Variants in DPP10 observed in about 807,000 individuals in gnomAD.
The protein encoded by DPP10 is dipeptidyl peptidase like 10.
In DPP10, 33 loss-of-function variants were observed where a neutral mutation model predicts 120.9. The ratio of observed to expected loss-of-function variants is 0.27; its 90% CI spans 0.21 to 0.37. The LOEUF (loss-of-function observed/expected upper bound fraction) is 0.37, where lower values mean the gene tolerates loss of function less well. Ranked by LOEUF, DPP10 falls within the 10% of genes least tolerant of loss-of-function variation. The pLI is 1.00. For missense variants in DPP10, 816 were observed against 942.8 expected (o/e 0.87, Z 1.76); for synonymous variants, 337 against 326.1 (o/e 1.03, Z -0.36).
At chr2:115,005,363 C>T (rs373443696) in intron 1 of DPP10, among the ~76,000 whole-genome samples, 43 of 152,140 alleles carry the variant, frequency 2.8e-4, no homozygotes, top group East Asian at 7.7e-4. Context: ...CAAAGCTGGA[C>T]GGAGAATGAC....
intron 1 of DPP10, among the ~76,000 whole-genome samples, chr2:114,462,704 C>T (rs1210123312): frequency 6.6e-6 from 1 of 152,168 alleles, no homozygotes; most frequent in Admixed American, 6.5e-5. Context: ...AACGCTCTTC[C>T]CCCTGCTTCG....
chr2:115,394,478 A>G (rs546497515), intron 3 of DPP10, among the ~76,000 whole-genome samples: 6 of 151,830 alleles, frequency 4.0e-5, no homozygotes, highest in Admixed American at 2.0e-4. Context: ...CCAAAAAAAA[A>G]AAAAAGAAAA....
intron 4 of DPP10, among the ~76,000 whole-genome samples, chr2:115,523,345 G>A (rs997887730): frequency 2.7e-5 from 4 of 146,082 alleles, no homozygotes; most frequent in African/African-American, 1.0e-4. Context: ...ATGAGGATGA[G>A]GGAGGTGAGA....
At chr2:115,261,774 A>G (rs2059260562) in intron 1 of DPP10, among the ~76,000 whole-genome samples, 2 of 152,172 alleles carry the variant, frequency 1.3e-5, no homozygotes, top group South Asian at 4.1e-4. Flanking sequence ...TATCTTATTT[A>G]TCTCCATATT....
chr2:114,796,519 T>A (rs931875546), intron 1 of DPP10, among the ~76,000 whole-genome samples: 4 of 152,108 alleles, frequency 2.6e-5, no homozygotes, highest in African/African-American at 7.2e-5. Context: ...CTGTTGATGT[T>A]ACTGGTAAGG....
intron 1 of DPP10, among the ~76,000 whole-genome samples, chr2:114,548,378 T>C (rs1041119975): frequency 6.6e-6 from 1 of 152,058 alleles, no homozygotes; most frequent in Non-Finnish European, 1.5e-5. Context: ...AACACAGAGA[T>C]GGGGGTGTTG....
At chr2:114,684,263 C>T (rs1055397932) in intron 1 of DPP10, among the ~76,000 whole-genome samples, 2 of 151,926 alleles carry the variant, frequency 1.3e-5, no homozygotes, top group Non-Finnish European at 2.9e-5. Flanking sequence ...GGAACTTGCT[C>T]TTTTACCTCC....
chr2:115,782,493 T>G, intron 17 of DPP10, 94 bp downstream of exon 17: 2 of 1,244,502 alleles, frequency 1.6e-6, no homozygotes, highest in Non-Finnish European at 2.3e-6. Context: ...CTATAAATTC[T>G]TCTTCAAAAA....
intron 3 of DPP10, among the ~76,000 whole-genome samples, chr2:115,462,182 A>G (rs1574918166): frequency 6.6e-6 from 1 of 152,118 alleles, no homozygotes; most frequent in African/African-American, 2.4e-5. Context: ...CCAGTCACAC[A>G]AGACAGAGGT....
intron 1 of DPP10, among the ~76,000 whole-genome samples, chr2:114,801,851 C>A (rs1359114249): frequency 6.6e-6 from 1 of 152,106 alleles, no homozygotes; most frequent in African/African-American, 2.4e-5. Flanking sequence ...GATTCATGTA[C>A]ATGAAACTGC....
At chr2:114,796,971 T>C (rs2106262332) in intron 1 of DPP10, among the ~76,000 whole-genome samples, 1 of 152,176 alleles carries the variant, frequency 6.6e-6, no homozygotes, top group East Asian at 1.9e-4. Context: ...CTTAGGTGGT[T>C]TGATCATAGA....
intron 1 of DPP10, among the ~76,000 whole-genome samples, chr2:114,460,095 G>T (rs147160374): frequency 6.6e-5 from 10 of 152,162 alleles, no homozygotes; most frequent in African/African-American, 1.9e-4. Context: ...ATGATAATGG[G>T]GCTGGATATG....
chr2:114,564,658 T>A (rs1359916439), intron 1 of DPP10, among the ~76,000 whole-genome samples: 1 of 150,884 alleles, frequency 6.6e-6, no homozygotes, highest in Non-Finnish European at 1.5e-5. Context: ...ATAGTAGACA[T>A]AAGGGAAAGG....
intron 1 of DPP10, among the ~76,000 whole-genome samples, chr2:114,589,826 T>C (rs1410407099): frequency 6.6e-6 from 1 of 152,058 alleles, no homozygotes; most frequent in East Asian, 1.9e-4. Flanking sequence ...TGAGAAAAAC[T>C]CCAACCTCTT....
intron 1 of DPP10, among the ~76,000 whole-genome samples, chr2:114,991,181 T>G (rs1700736255): frequency 6.6e-6 from 1 of 152,134 alleles, no homozygotes; most frequent in African/African-American, 2.4e-5. Context: ...GAGTAAAATA[T>G]CAACAGGAAA....
At chr2:115,067,236 CT>C (rs578110916) in intron 1 of DPP10, among the ~76,000 whole-genome samples, 8 of 151,568 alleles carry the variant, frequency 5.3e-5, no homozygotes, top group Admixed American at 3.9e-4. Flanking sequence ...ACAGAATGTC[CT>C]TTTTTTTGTT....
At chr2:115,534,497 A>C (rs929191493) in intron 5 of DPP10, among the ~76,000 whole-genome samples, 2 of 151,360 alleles carry the variant, frequency 1.3e-5, no homozygotes, top group African/African-American at 4.9e-5. Context: ...CATTTTCTTA[A>C]TCCAGTCTAT....
In DPP10 at chr2:114,818,148, A is replaced by T. The variant is rs192144586; in HGVS notation, c.60+375310A>T. Among the ~76,000 whole-genome samples, 6 of 152,336 alleles carry T rather than the reference A, an allele frequency of 3.9e-5. No individual in the cohort carries two copies. The East Asian group carries it at 1.2e-3, about 29-fold the overall frequency. ...AAAGAGAGAGAGAGAGAGAAATTTA[A>T]CATATTCCTGGTAATGAAGGTCAGT... On this transcript the variant is annotated intron_variant, in intron 1 of 25. Transcript: ENST00000410059.
At chr2:115,188,079 G>GAA (rs1553511718) in intron 1 of DPP10, among the ~76,000 whole-genome samples, 5 of 151,688 alleles carry the variant, frequency 3.3e-5, no homozygotes, top group African/African-American at 4.9e-5. Flanking sequence ...GAGAGAGAGA[G>GAA]AGAGAGCGCA....
Sources: gnomAD v4.1 joint callset for allele counts (sites outside exome capture counted in the v4.1 genomes callset) on GRCh38, gnomAD v4.1.1 for gene constraint, MANE v1.5 for transcripts, NCBI Gene and HGNC (gene_info 2026-07-23, HGNC 2026-07-21) for gene names.